Variants in NCS1 observed in about 807,000 individuals in gnomAD.
NCS1 encodes neuronal calcium sensor 1.
NCS1 carries 6 observed loss-of-function variants against 28.4 expected under a neutral mutation model. That is an observed-to-expected ratio of 0.21 (90% confidence interval 0.12 to 0.42). The LOEUF (loss-of-function observed/expected upper bound fraction) is 0.42, where lower values mean the gene tolerates loss of function less well. Ranked by LOEUF, NCS1 falls within the 10% of genes least tolerant of loss-of-function variation. The pLI, the probability that NCS1 is intolerant of heterozygous loss-of-function variation, is 1.00. For missense variants in NCS1, 131 were observed against 241.4 expected, an observed-to-expected ratio of 0.54 and a Z score of 3.03; for synonymous variants, 86 against 99.3, an observed-to-expected ratio of 0.87 and a Z score of 0.79.
chr9:130,203,134 A>AT (rs1166245712), intron 2 of NCS1, among the ~76,000 whole-genome samples: 16 of 64,360 alleles, frequency 2.5e-4, no homozygotes, highest in East Asian at 1.0e-3. Flanking sequence ...ATATATATAT[A>AT]TATTTTTTTT....
At chr9:130,224,602 A>G (rs1588125952) in intron 6 of NCS1, among the ~76,000 whole-genome samples, 1 of 151,792 alleles carries the variant, frequency 6.6e-6, no homozygotes, top group Admixed American at 6.6e-5. Flanking sequence ...ACTGGAGCCT[A>G]CTTGAGGGTG....
At chr9:130,202,029 G>A (rs1305944692) in intron 2 of NCS1, among the ~76,000 whole-genome samples, 1 of 152,158 alleles carries the variant, frequency 6.6e-6, no homozygotes, top group African/African-American at 2.4e-5. Context: ...ATCCGTACAT[G>A]TTCTCCCTGC....
chr9:130,227,044 AG>A (rs1833426222), intron 7 of NCS1, among the ~76,000 whole-genome samples: 2 of 150,688 alleles, frequency 1.3e-5, no homozygotes, highest in Non-Finnish European at 3.0e-5. Context: ...AAAAAAGAAA[AG>A]AAAAAAAAAA....
In NCS1 at chr9:130,236,357, G is replaced by A. The variant is rs782241597; in HGVS notation, c.*3385G>A. ...GTGGTAAGCCGCCAACGCACCTGGG[G>A]GCTGCAACCCCACCGGACGGGTGGT... is the stretch of plus-strand genomic sequence containing the variant. On this transcript the variant is annotated 3_prime_UTR_variant, in exon 8 of 8. Transcript: ENST00000372398. 3 of 152,204 alleles carry A rather than the reference G, an allele frequency of 2.0e-5. No homozygotes were observed. Among genetic ancestry groups the A allele is most frequent in the Non-Finnish European group, 4.4e-5 (3 of 68,020 alleles). The allele number at this position is 152,204 out of a possible 1,614,324, so 9.4% of individuals were successfully genotyped here. A position where few individuals can be genotyped will look rare whatever the true frequency, so the allele number is the denominator to read the frequency against.
At chr9:130,212,216 C>T (rs893770955) in intron 2 of NCS1, among the ~76,000 whole-genome samples, 5 of 152,094 alleles carry the variant, frequency 3.3e-5, no homozygotes, top group Admixed American at 6.6e-5. Flanking sequence ...CCTGAATAGC[C>T]GTTAGAATCA....
chr9:130,196,359 CT>C (rs1350794462), intron 1 of NCS1, among the ~76,000 whole-genome samples: 2 of 152,266 alleles, frequency 1.3e-5, no homozygotes, highest in Non-Finnish European at 2.9e-5. Context: ...TGTCCCCTCT[CT>C]TTCTACATAC....
chr9:130,196,585 G>A (rs549608579), intron 1 of NCS1, among the ~76,000 whole-genome samples: 21 of 152,180 alleles, frequency 1.4e-4, no homozygotes, highest in African/African-American at 1.7e-4. Context: ...CCAAAAATAC[G>A]AAAATTAGCC....
rs1564710179 is a variant in NCS1 at position 130,209,742 on chromosome 9, T to C, written c.90-8090T>C. 6.6e-6 allele frequency among the ~76,000 whole-genome samples: 1 copy of C among 152,222 alleles called. No individual in the cohort carries two copies. The highest frequency in any genetic ancestry group is 1.9e-4 in the East Asian group (1 of 5,194). On this transcript the variant is annotated intron_variant, in intron 2 of 7. Coordinates refer to ENST00000372398, the MANE Select transcript of NCS1 (RefSeq NM_014286.4). The surrounding 1 kb of genome is among the most constrained non-coding windows in gnomAD (Gnocchi z 4.4). ...ATGAAATGAGGTTTCTTTTCTCCCC[T>C]GCCCTTTTAAAGAAGTGTAAGAACG...
intron 2 of NCS1, among the ~76,000 whole-genome samples, chr9:130,216,581 T>A (rs1178877759): frequency 9.9e-5 from 15 of 152,148 alleles, no homozygotes; most frequent in African/African-American, 3.1e-4. Flanking sequence ...CTGGGTGTGG[T>A]GGTACATGCC....
chr9:130,189,611 G>A (rs980055484), intron 1 of NCS1, among the ~76,000 whole-genome samples: 2 of 152,082 alleles, frequency 1.3e-5, no homozygotes, highest in African/African-American at 4.8e-5. Context: ...AGAGGCCGAG[G>A]TGGGCGGATC....
chr9:130,206,405 T>TTC (rs1214618538), intron 2 of NCS1, among the ~76,000 whole-genome samples: 3 of 6,036 alleles, frequency 5.0e-4, no homozygotes, highest in Non-Finnish European at 5.3e-3. Context: ...CTTTCTTTCT[T>TTC]TTTTTTTTTT....
intron 1 of NCS1, among the ~76,000 whole-genome samples, chr9:130,183,313 G>GTA (rs377718407): frequency 6.6e-6 from 1 of 151,976 alleles, no homozygotes; most frequent in African/African-American, 2.4e-5. Context: ...GGCTGGGGGG[G>GTA]GGAGCTCCTT....
rs528210681 is a variant in NCS1, at chr9:130,192,559, T to C, written c.65-8399T>C. On this transcript the variant is annotated intron_variant, in intron 1 of 7. Coordinates refer to ENST00000372398, the MANE Select transcript of NCS1 (RefSeq NM_014286.4). The surrounding 1 kb of genome is among the most constrained non-coding windows in gnomAD (Gnocchi z 4.8). ...TGGAGGTCTCAGGAGTTGACCTCTT[T>C]CGTGGGACAGAGAGGGGAGGGTGCG... is the stretch of plus-strand genomic sequence containing the variant. Among the ~76,000 whole-genome samples, 2 of 152,214 alleles carry C rather than the reference T, an allele frequency of 1.3e-5. No homozygotes were observed. Among genetic ancestry groups the C allele is most frequent in the East Asian group, 3.9e-4 (2 of 5,156 alleles).
intron 7 of NCS1, among the ~76,000 whole-genome samples, chr9:130,228,402 A>G (rs1833448365): frequency 6.6e-6 from 1 of 151,102 alleles, no homozygotes. Flanking sequence ...TTTTTTCTGT[A>G]GTGTAGAGAT....
chr9:130,179,106 T>C (rs1462666765), intron 1 of NCS1, among the ~76,000 whole-genome samples: 3 of 151,510 alleles, frequency 2.0e-5, no homozygotes, highest in Non-Finnish European at 4.4e-5. Flanking sequence ...CTAATTTTTG[T>C]ATTTTTAGTA....
rs573601900 is a variant in NCS1 at position 130,183,957 on chromosome 9, C to T, written c.64+11230C>T. Among the ~76,000 whole-genome samples, 25 of 151,814 alleles carry T rather than the reference C, an allele frequency of 1.6e-4. No individual in the cohort carries two copies. In the East Asian group the frequency reaches 4.9e-3, roughly 30 times the overall value. On this transcript the variant is annotated intron_variant, in intron 1 of 7. Coordinates refer to ENST00000372398, the MANE Select transcript of NCS1 (RefSeq NM_014286.4). ...CCCGAGTAGCTGGGACCACAGGCGC[C>T]CGCCACCATACCCTGCTAATTTTTT...
chr9:130,227,045 G>GAA (rs1332392681), intron 7 of NCS1, among the ~76,000 whole-genome samples: 1 of 126,666 alleles, frequency 7.9e-6, no homozygotes. Flanking sequence ...AAAAAGAAAA[G>GAA]AAAAAAAAAA....
At chr9:130,190,032 A>AAG (rs34529294) in intron 1 of NCS1, among the ~76,000 whole-genome samples, 61,549 of 120,166 alleles carry the variant, frequency 0.51, 16,088 homozygotes, top group East Asian at 0.74. Context: ...ATGTTTATGC[A>AAG]AGAGAGAGAG....
intron 6 of NCS1, among the ~76,000 whole-genome samples, chr9:130,225,798 C>T (rs1394847444): frequency 6.6e-5 from 10 of 152,210 alleles, no homozygotes; most frequent in African/African-American, 2.4e-4. Context: ...TACCCGAGAT[C>T]GAGTAGGTGC....
Sources: gnomAD v4.1 joint callset for allele counts (sites outside exome capture counted in the v4.1 genomes callset) on GRCh38, gnomAD v4.1.1 for gene constraint, Gnocchi (gnomAD v3.1) non-coding constraint, MANE v1.5 for transcripts, NCBI Gene and HGNC (gene_info 2026-07-23, HGNC 2026-07-21) for gene names.